Variants in KIRREL3 observed in about 807,000 individuals in gnomAD.
KIRREL3 encodes the protein kin of IRRE-like protein 3.
In KIRREL3, 36 loss-of-function variants were observed where a neutral mutation model predicts 89.7. The observed-to-expected ratio is 0.40, with a 90% CI of 0.31 to 0.53. The LOEUF is 0.53. KIRREL3 is among the 20% of genes least tolerant of loss of function. The pLI is 0.49. For synonymous variants in KIRREL3, 445 were observed against 441.4 expected, an observed-to-expected ratio of 1.01 and a Z score of -0.10; for missense variants, 864 against 1,056.6, an observed-to-expected ratio of 0.82 and a Z score of 2.53.
intron 1 of KIRREL3, among the ~76,000 whole-genome samples, chr11:126,693,379 C>T (rs1456853364): frequency 6.6e-6 from 1 of 152,138 alleles, no homozygotes; most frequent in Non-Finnish European, 1.5e-5. Flanking sequence ...TGAGATTGCG[C>T]CATTGTACTC....
At position 126,441,517 on chromosome 11, in the gene KIRREL3, A is replaced by T. The variant is rs61898677; in HGVS notation, c.1253-968T>A. Among the ~76,000 whole-genome samples, 14,892 of 152,184 alleles carry T rather than the reference A, an allele frequency of 0.098. 969 individuals are homozygous for T. Among genetic ancestry groups the T allele is most frequent in the African/African-American group, 0.18 (7,565 of 41,486 alleles). ...CTGGGCTGGGTGGTTGAAGGATGGG[A>T]GTAGGGACGGAAACTGTCATGCTCC... On this transcript the variant is annotated intron_variant, in intron 10 of 16. Transcript: ENST00000525144. This position sits in a 1 kb window ranked among gnomAD's most constrained non-coding sequence, Gnocchi z 5.0.
chr11:126,929,793 C>T (rs1247255621), intron 1 of KIRREL3, among the ~76,000 whole-genome samples: 1 of 152,214 alleles, frequency 6.6e-6, no homozygotes, highest in Non-Finnish European at 1.5e-5. Flanking sequence ...TGCCTAAGAG[C>T]GATTCCACGC....
chr11:126,621,628 T>A (rs912827247), intron 1 of KIRREL3, among the ~76,000 whole-genome samples: 2 of 152,078 alleles, frequency 1.3e-5, no homozygotes, highest in Non-Finnish European at 2.9e-5. Context: ...TAATGTGCAT[T>A]TTTTTTAATA....
intron 1 of KIRREL3, among the ~76,000 whole-genome samples, chr11:126,660,559 A>C (rs1487008327): frequency 6.6e-6 from 1 of 152,130 alleles, no homozygotes; most frequent in Admixed American, 6.5e-5. Context: ...AAGGGAACCC[A>C]TTGCCTGTAT....
rs3045186 is a variant in KIRREL3, at chr11:126,712,264, AGTGTGTGT to A, written c.56-149360_56-149353del. On this transcript the variant is annotated intron_variant, in intron 1 of 16. Coordinates refer to ENST00000525144, the MANE Select transcript of KIRREL3 (RefSeq NM_032531.4). ...GAAATGTGTGCTCCAGATAAGGGCG[AGTGTGTGT>A]GTGTGTGTGTGTGCGCGCGTGCATG... Among the ~76,000 whole-genome samples, 9 of 149,742 alleles carry A rather than the reference AGTGTGTGT, an allele frequency of 6.0e-5. No individual in the cohort carries two copies. In the South Asian group the frequency reaches 1.3e-3, roughly 21 times the overall value.
Position 126,715,861 on chromosome 11 carries a change from C to T in KIRREL3, c.56-152949G>A, listed in dbSNP as rs1403555666. Among the ~76,000 whole-genome samples, 1 of 152,152 alleles carries T rather than the reference C, an allele frequency of 6.6e-6. No individual in the cohort carries two copies. The highest frequency in any genetic ancestry group is 2.4e-5 in the African/African-American group (1 of 41,418). On this transcript the variant is annotated intron_variant, in intron 1 of 16. Coordinates refer to ENST00000525144, the MANE Select transcript of KIRREL3 (RefSeq NM_032531.4). This position sits in a 1 kb window ranked among gnomAD's most constrained non-coding sequence, Gnocchi z 4.4. ...AGAGCGCAGAAAAGCCCTTGGTGCT[C>T]CTCTGAAGAATGCAAGAGCAATCTG...
At chr11:126,760,124 T>C (rs1486551407) in intron 1 of KIRREL3, among the ~76,000 whole-genome samples, 1 of 152,234 alleles carries the variant, frequency 6.6e-6, no homozygotes, top group Non-Finnish European at 1.5e-5. Context: ...ATTGGGTGTT[T>C]AGGATGTGCC....
intron 1 of KIRREL3, among the ~76,000 whole-genome samples, chr11:126,654,296 G>C (rs1945032946): frequency 6.6e-6 from 1 of 150,816 alleles, no homozygotes; most frequent in African/African-American, 2.4e-5. Context: ...AGAATGTAAA[G>C]TCAACCCCGA....
Position 126,747,424 on chromosome 11 carries a change from C to A in KIRREL3, c.56-184512G>T, listed in dbSNP as rs1439720035. 7.2e-5 allele frequency among the ~76,000 whole-genome samples: 11 copies of A among 152,212 alleles called. No individual in the cohort carries two copies. Among genetic ancestry groups the A allele is most frequent in the Admixed American group, 7.2e-4 (11 of 15,286 alleles). On this transcript the variant is annotated intron_variant, in intron 1 of 16. Coordinates refer to ENST00000525144, the MANE Select transcript of KIRREL3 (RefSeq NM_032531.4). This position sits in a 1 kb window ranked among gnomAD's most constrained non-coding sequence, Gnocchi z 4.7. ...TATGTCCTCTACACTCCAGTTATCC[C>A]AGACCATTTACCATTCTCTGATTAA...
rs113185045 is a variant in KIRREL3 at position 126,646,957 on chromosome 11, C to T, written c.56-84045G>A. On this transcript the variant is annotated intron_variant, in intron 1 of 16. Transcript: ENST00000525144. ...TGCACCACCGATGAGCCAATTATTTCAATTTTGGCATCAGATTTAAAAGAG... is the reference window on the plus strand; with the variant it reads ...TGCACCACCGATGAGCCAATTATTTTAATTTTGGCATCAGATTTAAAAGAG... Among the ~76,000 whole-genome samples, 258 of 152,268 alleles carry T rather than the reference C, an allele frequency of 1.7e-3. 1 individual carries two copies. Among genetic ancestry groups the T allele is most frequent in the African/African-American group, 6.2e-3 (256 of 41,532 alleles).
chr11:126,665,095 T>A (rs995941073), intron 1 of KIRREL3, among the ~76,000 whole-genome samples: 73 of 152,326 alleles, frequency 4.8e-4, no homozygotes, highest in African/African-American at 1.3e-3. Context: ...ATAAATTTTT[T>A]AAAAATTGTT....
Position 126,997,094 on chromosome 11 carries a change from C to T in KIRREL3, c.55+3361G>A, listed in dbSNP as rs151334684. On this transcript the variant is annotated intron_variant, in intron 1 of 16. Transcript: ENST00000525144. This position sits in a 1 kb window ranked among gnomAD's most constrained non-coding sequence, Gnocchi z 4.3. ...CATCAGTCCTCTAGGACCTTATTCC[C>T]TCCAAGCTACCTAAGCTGTGCATGT... is the stretch of plus-strand genomic sequence containing the variant. Among the ~76,000 whole-genome samples, 6 of 152,302 alleles carry T rather than the reference C, an allele frequency of 3.9e-5. No homozygotes were observed. Among genetic ancestry groups the T allele is most frequent in the African/African-American group, 1.4e-4 (6 of 41,550 alleles).
rs909424332 is a variant in KIRREL3, at chr11:126,814,406, C to G, written c.55+186049G>C. On this transcript the variant is annotated intron_variant, in intron 1 of 16. Transcript: ENST00000525144. The surrounding 1 kb of genome is among the most constrained non-coding windows in gnomAD (Gnocchi z 4.4). ...CAGAAACACCATTTGACCCAGCAAT[C>G]CCATTACTGGATATATACCCAAAGG... Among the ~76,000 whole-genome samples the G allele has an allele frequency of 2.6e-5, 4 of 152,126 alleles. No individual in the cohort carries two copies. The highest frequency in any genetic ancestry group is 4.1e-4 in the South Asian group (2 of 4,826).
At chr11:126,775,674 C>T (rs1204529885) in intron 1 of KIRREL3, among the ~76,000 whole-genome samples, 2 of 152,148 alleles carry the variant, frequency 1.3e-5, no homozygotes, top group African/African-American at 4.8e-5. Flanking sequence ...GAAAAGAATG[C>T]CTTTGATGTA....
At chr11:126,593,549 G>A (rs1258429562) in intron 1 of KIRREL3, among the ~76,000 whole-genome samples, 1 of 152,212 alleles carries the variant, frequency 6.6e-6, no homozygotes, top group Non-Finnish European at 1.5e-5. Context: ...CTGGACCTGT[G>A]GCCTGCTGTC....
At position 126,490,068 on chromosome 11, in the gene KIRREL3, G is replaced by T. The variant is rs750510646; in HGVS notation, c.434-16602C>A. Among the ~76,000 whole-genome samples the T allele has an allele frequency of 8.5e-5, 13 of 152,114 alleles. No homozygotes were observed. The highest frequency in any genetic ancestry group is 1.9e-4 in the Non-Finnish European group (13 of 68,028). On this transcript the variant is annotated intron_variant, in intron 4 of 16. Transcript: ENST00000525144. The surrounding 1 kb of genome is among the most constrained non-coding windows in gnomAD (Gnocchi z 4.2). Reference sequence around the variant, plus strand: ...GAGGTGTCCAGTGTTGCTTTGAAGTGAAATGTTTTGGATGTGCCTTAAAGT... The same window carrying T: ...GAGGTGTCCAGTGTTGCTTTGAAGTTAAATGTTTTGGATGTGCCTTAAAGT...
chr11:126,562,070 GC>G lies in KIRREL3; in HGVS notation c.133+764del, dbSNP rs1940167562. 6.6e-6 allele frequency among the ~76,000 whole-genome samples: 1 copy of G among 152,184 alleles called. No homozygotes were observed. Among genetic ancestry groups the G allele is most frequent in the Non-Finnish European group, 1.5e-5 (1 of 68,040 alleles). On this transcript the variant is annotated intron_variant, in intron 2 of 16. Coordinates refer to ENST00000525144, the MANE Select transcript of KIRREL3 (RefSeq NM_032531.4). The surrounding 1 kb of genome is among the most constrained non-coding windows in gnomAD (Gnocchi z 4.7). ...TTTGTCTGACTTTAATGAATAAATGGCATCCCCAGCCATTGTTTATCTACTT... is the reference window on the plus strand; with the variant it reads ...TTTGTCTGACTTTAATGAATAAATGGATCCCCAGCCATTGTTTATCTACTT...
chr11:126,718,668 C>T (rs907063150), intron 1 of KIRREL3, among the ~76,000 whole-genome samples: 2 of 152,240 alleles, frequency 1.3e-5, no homozygotes, highest in African/African-American at 2.4e-5. Flanking sequence ...ATTTTATTTA[C>T]TCTCAATAAT....
intron 1 of KIRREL3, among the ~76,000 whole-genome samples, chr11:126,707,460 CT>C: frequency 6.6e-6 from 1 of 152,274 alleles, no homozygotes; most frequent in African/African-American, 2.4e-5. Flanking sequence ...TTATCCCCCA[CT>C]GCTTCAAAAC....
Sources: allele counts gnomAD v4.1 joint callset (sites outside exome capture counted in the v4.1 genomes callset), GRCh38; gene constraint gnomAD v4.1.1; non-coding constraint Gnocchi (gnomAD v3.1); transcripts MANE v1.5; gene names NCBI Gene and HGNC (gene_info 2026-07-23, HGNC 2026-07-21).